The following HS6ST3 variants were observed in gnomAD, a reference collection of about 807,000 sequenced individuals.
HS6ST3 encodes heparan sulfate 6-O-sulfotransferase 3, also known as heparan-sulfate 6-O-sulfotransferase 3.
Under a neutral mutation model 36.7 loss-of-function variants are expected in HS6ST3, and 12 were observed. The ratio of observed to expected loss-of-function variants is 0.33; its 90% CI spans 0.21 to 0.53. HS6ST3 has a LOEUF of 0.53. Ranked by LOEUF, HS6ST3 falls within the 20% of genes least tolerant of loss-of-function variation. The pLI is 0.95. For missense variants in HS6ST3, 584 were observed against 640.9 expected (o/e 0.91, Z 0.96); for synonymous variants, 240 against 257.5 (o/e 0.93, Z 0.65).
intron 1 of HS6ST3, among the ~76,000 whole-genome samples, chr13:96,385,048 A>G (rs1220328592): frequency 1.3e-5 from 2 of 151,836 alleles, no homozygotes; most frequent in East Asian, 3.9e-4. Context: ...GTGTGGTGGC[A>G]CATGCCTGTA....
intron 1 of HS6ST3, among the ~76,000 whole-genome samples, chr13:96,826,404 C>T (rs1024827958): frequency 3.5e-4 from 53 of 152,040 alleles, no homozygotes; most frequent in Admixed American, 3.5e-3. Flanking sequence ...TGATAATGTT[C>T]TTTTACATAG....
intron 1 of HS6ST3, among the ~76,000 whole-genome samples, chr13:96,571,696 G>A (rs369506501): frequency 6.6e-6 from 1 of 152,146 alleles, no homozygotes; most frequent in Non-Finnish European, 1.5e-5. Flanking sequence ...TTGTAGAGAA[G>A]GTGCTATCAT....
intron 1 of HS6ST3, among the ~76,000 whole-genome samples, chr13:96,147,550 C>T (rs745408707): frequency 1.3e-5 from 2 of 152,228 alleles, no homozygotes; most frequent in Non-Finnish European, 2.9e-5. Flanking sequence ...TCCCCAACCC[C>T]TGGCTGCATG....
chr13:96,387,937 G>A (rs1432131396), intron 1 of HS6ST3, among the ~76,000 whole-genome samples: 1 of 152,160 alleles, frequency 6.6e-6, no homozygotes, highest in African/African-American at 2.4e-5. Flanking sequence ...TGTAGGTTTC[G>A]CCTCTGAGTC....
intron 1 of HS6ST3, among the ~76,000 whole-genome samples, chr13:96,519,083 C>T (rs1273517876): frequency 6.6e-6 from 1 of 152,094 alleles, no homozygotes; most frequent in Non-Finnish European, 1.5e-5. Flanking sequence ...AATGATAAAA[C>T]ACTTATTTAA....
intron 1 of HS6ST3, among the ~76,000 whole-genome samples, chr13:96,549,545 G>T (rs1224219375): frequency 3.9e-5 from 6 of 152,156 alleles, no homozygotes; most frequent in African/African-American, 7.2e-5. Flanking sequence ...TATTTAAAGT[G>T]AATGCTCTTT....
chr13:96,219,790 T>C (rs1328251729), intron 1 of HS6ST3, among the ~76,000 whole-genome samples: 1 of 151,746 alleles, frequency 6.6e-6, no homozygotes, highest in Admixed American at 6.6e-5. Flanking sequence ...TTCAAGCGAG[T>C]CTCCTGCCTC....
chr13:96,807,578 G>A (rs1048567912), intron 1 of HS6ST3, among the ~76,000 whole-genome samples: 3 of 152,254 alleles, frequency 2.0e-5, no homozygotes, highest in Admixed American at 6.5e-5. Context: ...TAGGAGGGAG[G>A]CCTTTATGAA....
intron 1 of HS6ST3, among the ~76,000 whole-genome samples, chr13:96,184,475 C>T (rs868729928): frequency 6.6e-6 from 1 of 152,256 alleles, no homozygotes; most frequent in Middle Eastern, 3.4e-3. Context: ...GGTGACTTTA[C>T]CCCCAGAATG....
chr13:96,715,544 A>T (rs1284752337), intron 1 of HS6ST3, among the ~76,000 whole-genome samples: 1 of 152,058 alleles, frequency 6.6e-6, no homozygotes, highest in Non-Finnish European at 1.5e-5. Context: ...TTTAAAATTT[A>T]AAAAAATTTA....
chr13:96,654,961 G>T (rs563664430), intron 1 of HS6ST3, among the ~76,000 whole-genome samples: 272 of 152,158 alleles, frequency 1.8e-3, no homozygotes, highest in African/African-American at 6.4e-3. Context: ...ATCCTGACAA[G>T]GGCAGTGCCA....
chr13:96,188,726 T>C (rs2054275973), intron 1 of HS6ST3, among the ~76,000 whole-genome samples: 2 of 152,180 alleles, frequency 1.3e-5, no homozygotes, highest in Admixed American at 1.3e-4. Flanking sequence ...TTGAATTTTG[T>C]TTGTCATTAT....
chr13:96,430,183 C>T (rs376259997), intron 1 of HS6ST3, among the ~76,000 whole-genome samples: 3 of 152,096 alleles, frequency 2.0e-5, no homozygotes, highest in East Asian at 1.9e-4. Flanking sequence ...CACAGTCTTT[C>T]GATTTTCTAT....
intron 1 of HS6ST3, among the ~76,000 whole-genome samples, chr13:96,220,926 G>A (rs960779183): frequency 5.9e-5 from 9 of 152,058 alleles, no homozygotes; most frequent in Non-Finnish European, 1.2e-4. Context: ...CGCAATTTGA[G>A]TGTTCCATGT....
chr13:96,291,154 T>C (rs79191519), intron 1 of HS6ST3, among the ~76,000 whole-genome samples: 3,839 of 152,346 alleles, frequency 0.025, 161 homozygotes, highest in African/African-American at 0.089. Flanking sequence ...TTTTACTTAC[T>C]TATTTTTTCT....
intron 1 of HS6ST3, among the ~76,000 whole-genome samples, chr13:96,222,081 T>C (rs1182452599): frequency 6.6e-6 from 1 of 152,208 alleles, no homozygotes; most frequent in East Asian, 1.9e-4. Flanking sequence ...GACAGTGTGA[T>C]TAGATAAAAT....
intron 1 of HS6ST3, among the ~76,000 whole-genome samples, chr13:96,104,617 T>A (rs1283425910): frequency 6.6e-6 from 1 of 152,234 alleles, no homozygotes; most frequent in Non-Finnish European, 1.5e-5. Flanking sequence ...AGTGGGCTCT[T>A]GCAATATAGT....
intron 1 of HS6ST3, among the ~76,000 whole-genome samples, chr13:96,520,006 G>A (rs1403230012): frequency 6.6e-6 from 1 of 152,006 alleles, no homozygotes; most frequent in Non-Finnish European, 1.5e-5. Context: ...TAATTCTATT[G>A]GTTACCTTTT....
chr13:96,541,227 G>A (rs911961518), intron 1 of HS6ST3, among the ~76,000 whole-genome samples: 9 of 151,936 alleles, frequency 5.9e-5, no homozygotes, highest in African/African-American at 9.7e-5. Context: ...AGTAGAGACG[G>A]GGTTTCACCA....
Sources: allele counts gnomAD v4.1 joint callset (sites outside exome capture counted in the v4.1 genomes callset), GRCh38; gene constraint gnomAD v4.1.1; transcripts MANE v1.5; gene names NCBI Gene and HGNC (gene_info 2026-07-23, HGNC 2026-07-21).